Variants in WWOX observed in about 807,000 individuals in gnomAD.
WWOX encodes WW domain-containing oxidoreductase.
Under a neutral mutation model 46.2 loss-of-function variants are expected in WWOX, and 69 were observed. The observed-to-expected ratio is 1.49, with a 90% confidence interval of 1.23 to 1.82. The LOEUF (loss-of-function observed/expected upper bound fraction) is 1.82. WWOX is among the 40% of genes most tolerant of loss of function. The pLI, the probability that WWOX is intolerant of heterozygous loss-of-function variation, is 0.00. For synonymous variants in WWOX, 359 were observed against 202.6 expected (o/e 1.77, Z -6.56); for missense variants, 919 against 542.6 (o/e 1.69, Z -6.89).
chr16:78,662,294 C>A (rs1394101927), intron 8 of WWOX, among the ~76,000 whole-genome samples: 1 of 152,138 alleles, frequency 6.6e-6, no homozygotes, highest in Non-Finnish European at 1.5e-5. Context: ...GCAAGGTCAC[C>A]AGGATTCACT....
intron 8 of WWOX, among the ~76,000 whole-genome samples, chr16:78,867,216 G>C (rs1161949957): frequency 1.3e-5 from 2 of 152,182 alleles, no homozygotes; most frequent in East Asian, 1.9e-4. Context: ...GTGAGTGGGG[G>C]AGTGCAAGAA....
chr16:78,568,838 CAAGT>C (rs2044642634), intron 8 of WWOX, among the ~76,000 whole-genome samples: 2 of 152,162 alleles, frequency 1.3e-5, no homozygotes, highest in South Asian at 4.1e-4. Flanking sequence ...CTAGTGTGTG[CAAGT>C]AAGTTTGTTT....
At chr16:78,999,653 G>T (rs1016968279) in intron 8 of WWOX, among the ~76,000 whole-genome samples, 8 of 152,092 alleles carry the variant, frequency 5.3e-5, no homozygotes, top group African/African-American at 1.9e-4. Context: ...AGTATTTATT[G>T]TATGCACCAG....
chr16:78,246,842 T>A (rs1030595370), intron 5 of WWOX, among the ~76,000 whole-genome samples: 11 of 151,962 alleles, frequency 7.2e-5, no homozygotes, highest in African/African-American at 2.7e-4. Context: ...GATCAGCTGA[T>A]GAGGGGTATT....
chr16:78,737,693 G>T (rs1038489628), intron 8 of WWOX, among the ~76,000 whole-genome samples: 1 of 152,068 alleles, frequency 6.6e-6, no homozygotes, highest in East Asian at 1.9e-4. Flanking sequence ...AGAGGAAAAG[G>T]GGTATAAGAA....
intron 8 of WWOX, among the ~76,000 whole-genome samples, chr16:78,956,510 A>G (rs1429005688): frequency 2.0e-5 from 3 of 152,124 alleles, no homozygotes; most frequent in Admixed American, 6.6e-5. Flanking sequence ...CCTAAAGTCT[A>G]TAGGTTCATT....
At chr16:79,030,573 G>A (rs1189433295) in intron 8 of WWOX, among the ~76,000 whole-genome samples, 2 of 152,192 alleles carry the variant, frequency 1.3e-5, no homozygotes, top group African/African-American at 4.8e-5. Context: ...TATGAGGGCT[G>A]TCTTGGTCCG....
chr16:78,109,614 A>T (rs1052720867), intron 2 of WWOX, among the ~76,000 whole-genome samples, 164 bp from the exon 3 acceptor site: 26 of 149,894 alleles, frequency 1.7e-4, no homozygotes, highest in African/African-American at 4.9e-4. Flanking sequence ...GGCCTTCTGC[A>T]GCTGTCGCAG....
At chr16:78,979,459 C>T (rs1349424789) in intron 8 of WWOX, among the ~76,000 whole-genome samples, 1 of 152,140 alleles carries the variant, frequency 6.6e-6, no homozygotes, top group East Asian at 1.9e-4. Flanking sequence ...CATCGAGGTG[C>T]TCAGATATGG....
intron 8 of WWOX, among the ~76,000 whole-genome samples, chr16:78,634,829 AG>A (rs2046526639): frequency 8.9e-6 from 1 of 112,302 alleles, no homozygotes; most frequent in South Asian, 2.8e-4. Flanking sequence ...AGAGAGAGAG[AG>A]AGAGAGAGTG....
At chr16:78,169,393 C>A (rs12325393) in intron 5 of WWOX, among the ~76,000 whole-genome samples, 1 of 151,782 alleles carries the variant, frequency 6.6e-6, no homozygotes, top group African/African-American at 2.4e-5. Flanking sequence ...TACCCAGTAT[C>A]TATTGGAGTT....
intron 5 of WWOX, among the ~76,000 whole-genome samples, chr16:78,286,409 A>G (rs549829491): frequency 6.6e-6 from 1 of 152,218 alleles, no homozygotes; most frequent in Non-Finnish European, 1.5e-5. Flanking sequence ...GTATTGTTAG[A>G]CTTAGCTGAA....
chr16:78,676,727 C>A (rs1391191687), intron 8 of WWOX, among the ~76,000 whole-genome samples: 1 of 152,178 alleles, frequency 6.6e-6, no homozygotes, highest in Admixed American at 6.5e-5. Flanking sequence ...AAGTTCTCAT[C>A]ATTTATACTC....
chr16:78,889,453 C>T (rs971088554), intron 8 of WWOX, among the ~76,000 whole-genome samples: 1 of 149,752 alleles, frequency 6.7e-6, no homozygotes, highest in South Asian at 2.1e-4. Flanking sequence ...TGATGTGTCT[C>T]AGAGTGATCA....
chr16:78,454,654 C>T (rs1020138177), intron 8 of WWOX, among the ~76,000 whole-genome samples: 2 of 150,840 alleles, frequency 1.3e-5, no homozygotes, highest in African/African-American at 2.5e-5. Flanking sequence ...TACAGGCATG[C>T]GCCACCATAC....
rs576769758 is a variant in WWOX, at chr16:78,838,767, C to T, written c.1057-372841C>T. 1.6e-4 allele frequency among the ~76,000 whole-genome samples: 25 copies of T among 152,210 alleles called. 1 individual carries two copies. Among genetic ancestry groups the T allele is most frequent in the African/African-American group, 5.1e-4 (21 of 41,532 alleles). On this transcript the variant is annotated intron_variant, in intron 8 of 8. Coordinates refer to ENST00000566780, the MANE Select transcript of WWOX (RefSeq NM_016373.4). ...CTGAGACAGGAGAATTGCTTGAACC[C>T]GGGAGTCAGAGGTTGCAGTGAGCCC...
intron 8 of WWOX, among the ~76,000 whole-genome samples, chr16:78,904,066 C>G (rs908744934): frequency 1.3e-5 from 2 of 152,014 alleles, no homozygotes; most frequent in Non-Finnish European, 2.9e-5. Flanking sequence ...TAGGGAACAC[C>G]ACGTACAAAA....
chr16:78,488,950 C>G (rs1460273457), intron 8 of WWOX, among the ~76,000 whole-genome samples: 3 of 152,186 alleles, frequency 2.0e-5, no homozygotes, highest in Non-Finnish European at 4.4e-5. Flanking sequence ...GATAATGGCA[C>G]TAGGCTGCCT....
At chr16:78,142,574 C>G (rs922850288) in intron 4 of WWOX, among the ~76,000 whole-genome samples, 2 of 152,150 alleles carry the variant, frequency 1.3e-5, no homozygotes, top group Admixed American at 6.5e-5. Context: ...TCGTCTTGTG[C>G]AAGTGTTGTA....
Sources: gnomAD v4.1 joint callset for allele counts (sites outside exome capture counted in the v4.1 genomes callset) on GRCh38, gnomAD v4.1.1 for gene constraint, MANE v1.5 for transcripts, NCBI Gene and HGNC (gene_info 2026-07-23, HGNC 2026-07-21) for gene names.